TEKT5: variants seen among roughly 807,000 people sequenced by gnomAD.
TEKT5 encodes tektin 5, also known as tektin-5.
A neutral mutation model predicts 48.7 loss-of-function variants in TEKT5; 52 were observed. The ratio of observed to expected loss-of-function variants is 1.07; its 90% CI spans 0.86 to 1.35. The LOEUF (loss-of-function observed/expected upper bound fraction) is 1.35, where lower values mean the gene tolerates loss of function less well. Among genes scored for constraint, TEKT5 ranks in the 40% most tolerant of loss-of-function variants. The pLI is 0.00. For missense variants in TEKT5, 831 were observed against 641.6 expected, an observed-to-expected ratio of 1.30 and a Z score of -3.19; for synonymous variants, 318 against 267.6, an observed-to-expected ratio of 1.19 and a Z score of -1.84.
Position 10,681,673 on chromosome 16 carries a change from T to C in TEKT5, c.863+320A>G, listed in dbSNP as rs573530836. Among the ~76,000 whole-genome samples the C allele has an allele frequency of 3.3e-5, 5 of 151,922 alleles. No homozygotes were observed. In the South Asian group the frequency reaches 8.3e-4, roughly 25 times the overall value. ...CACTAAGCCAATGCCATGCCCTCTC[T>C]TCCTGAAATTTGGATCTTGAATGGT... On this transcript the variant is annotated intron_variant, in intron 4 of 6. Transcript: ENST00000283025.
chr16:10,688,967 G>C (rs867099645), intron 3 of TEKT5, among the ~76,000 whole-genome samples: 11 of 152,214 alleles, frequency 7.2e-5, no homozygotes, highest in South Asian at 2.1e-4. Flanking sequence ...AGAGAAACCA[G>C]CGATGCACGG....
At position 10,693,337 on chromosome 16, in the gene TEKT5, C is replaced by T. The variant is rs142554895; in HGVS notation, c.564+973G>A. Among the ~76,000 whole-genome samples the T allele has an allele frequency of 5.4e-3, 822 of 152,304 alleles. 9 individuals are homozygous for T. The highest frequency in any genetic ancestry group is 8.7e-3 in the Non-Finnish European group (594 of 68,024). On this transcript the variant is annotated intron_variant, in intron 1 of 6. Coordinates refer to ENST00000283025, the MANE Select transcript of TEKT5 (RefSeq NM_144674.2). Reference sequence around the variant, plus strand: ...CTCAAACTCCTGACCTCAGGTGATCCACCTGCCCTGGCCTCACAAAGTGCT... The same window carrying T: ...CTCAAACTCCTGACCTCAGGTGATCTACCTGCCCTGGCCTCACAAAGTGCT...
chr16:10,647,835 T>A (rs1375512951), intron 5 of TEKT5, among the ~76,000 whole-genome samples: 3 of 152,254 alleles, frequency 2.0e-5, no homozygotes, highest in Non-Finnish European at 2.9e-5. Flanking sequence ...GCAACAAATG[T>A]TCGTTGAGCA....
Position 10,694,848 on chromosome 16 carries a change from G to T in TEKT5, c.26C>A (p.Thr9Asn). 13 of 1,582,882 alleles carry T rather than the reference G, an allele frequency of 8.2e-6. No individual in the cohort carries two copies. The highest frequency in any genetic ancestry group is 1.1e-5 in the Non-Finnish European group (13 of 1,166,368). The change falls in exon 1 of 7, where the codon ACC becomes AAC. Residue 9 changes from threonine to asparagine, a missense_variant. Transcript: ENST00000283025. ...TTTCTTGGGACCACAGTAACTGGCG[G>T]TCTGAGTAGTCCCAAGAAACTCCAT... MEFLGTTQTASYCGPKKCC... is the reference protein window; with the variant it reads MEFLGTTQNASYCGPKKCC...
intron 5 of TEKT5, among the ~76,000 whole-genome samples, chr16:10,639,324 C>A (rs1171757660): frequency 6.6e-6 from 1 of 150,690 alleles, no homozygotes; most frequent in Non-Finnish European, 1.5e-5. Context: ...AAACAAAAAA[C>A]AAAAAACCCA....
chr16:10,678,955 C>G (rs113047209), intron 4 of TEKT5, among the ~76,000 whole-genome samples: 4,388 of 152,234 alleles, frequency 0.029, 201 homozygotes, highest in African/African-American at 0.099. Context: ...GCTGGAGAGG[C>G]AGGAAGGCAC....
chr16:10,685,923 G>C (rs1318940826), intron 3 of TEKT5, among the ~76,000 whole-genome samples: 1 of 152,120 alleles, frequency 6.6e-6, no homozygotes, highest in Non-Finnish European at 1.5e-5. Flanking sequence ...TTTCTCCTCT[G>C]AGGTCCAGCT....
chr16:10,680,150 C>G (rs969150520), intron 4 of TEKT5, among the ~76,000 whole-genome samples: 2 of 152,198 alleles, frequency 1.3e-5, no homozygotes, highest in African/African-American at 4.8e-5. Context: ...GGGCCCAGCC[C>G]CCAAAGTCCT....
intron 5 of TEKT5, among the ~76,000 whole-genome samples, chr16:10,654,812 C>T (rs1898229540): frequency 1.3e-5 from 2 of 152,022 alleles, no homozygotes; most frequent in African/African-American, 2.4e-5. Context: ...AACAAATCTC[C>T]TCTCAGATAC....
chr16:10,676,320 G>T, intron 4 of TEKT5, 139 bp from the exon 5 acceptor site: 1 of 817,464 alleles, frequency 1.2e-6, no homozygotes, highest in Non-Finnish European at 1.9e-6. Flanking sequence ...TGTTTAAGCA[G>T]CATCCCTGGC....
At chr16:10,653,660 C>T (rs1222817656) in intron 5 of TEKT5, among the ~76,000 whole-genome samples, 1 of 152,198 alleles carries the variant, frequency 6.6e-6, no homozygotes, top group Non-Finnish European at 1.5e-5. Flanking sequence ...CGCTTGTAAT[C>T]CAAACACTTT....
intron 3 of TEKT5, among the ~76,000 whole-genome samples, chr16:10,686,551 G>A (rs1276633426): frequency 6.6e-6 from 1 of 152,054 alleles, no homozygotes; most frequent in Non-Finnish European, 1.5e-5. Flanking sequence ...CATGACATTG[G>A]TCTGGACAAC....
At chr16:10,644,389 T>C (rs1447650137) in intron 5 of TEKT5, among the ~76,000 whole-genome samples, 1 of 152,142 alleles carries the variant, frequency 6.6e-6, no homozygotes, top group South Asian at 2.1e-4. Flanking sequence ...CGTTCGCAGA[T>C]CCCCACATCG....
chr16:10,689,990 C>A lies in TEKT5; in HGVS notation c.600G>T (p.Arg200Ser). 6.2e-7 allele frequency: 1 copy of A among 1,614,114 alleles called. No individual in the cohort carries two copies. The highest frequency in any genetic ancestry group is 2.2e-5 in the East Asian group (1 of 44,890). ...TGTCATGGACCAAATCAATCCCAATCCTCTTCTCTCGATGGTACAGACACT... is the reference window on the plus strand; with the variant it reads ...TGTCATGGACCAAATCAATCCCAATACTCTTCTCTCGATGGTACAGACACT... ...ALECLYHREK[R>S]IGIDLVHDNV... Residue 200 changes from arginine to serine, a missense_variant, in exon 2 of 7, where the codon AGG becomes AGT. Physicochemically the swap from Arg to Ser is moderately radical, Grantham distance 110 (BLOSUM62 -1). Coordinates refer to ENST00000283025, the MANE Select transcript of TEKT5 (RefSeq NM_144674.2).
intron 5 of TEKT5, among the ~76,000 whole-genome samples, chr16:10,667,455 C>T (rs962960126): frequency 6.6e-6 from 1 of 152,184 alleles, no homozygotes; most frequent in Non-Finnish European, 1.5e-5. Flanking sequence ...TGAGCAGTAA[C>T]CAATCTGGCT....
Position 10,669,066 on chromosome 16 carries a change from T to C in TEKT5, c.1086+6893A>G, listed in dbSNP as rs181987959. The stretch of plus-strand genomic sequence containing the variant: ...TTTTTTATGTGAAATCACCATTTTT[T>C]ACCAAATATTTTTTGAACTCTGTGA... On this transcript the variant is annotated intron_variant, in intron 5 of 6. Coordinates refer to ENST00000283025, the MANE Select transcript of TEKT5 (RefSeq NM_144674.2). Among the ~76,000 whole-genome samples, 1,017 of 152,326 alleles carry C rather than the reference T, an allele frequency of 6.7e-3. 13 individuals are homozygous for C. Among genetic ancestry groups the C allele is most frequent in the African/African-American group, 0.023 (968 of 41,568 alleles).
At chr16:10,636,037 TC>T in intron 5 of TEKT5, 119 bp from the exon 6 acceptor site, 1 of 1,457,120 alleles carries the variant, frequency 6.9e-7, no homozygotes, top group Non-Finnish European at 9.2e-7. Flanking sequence ...AGATACTCCT[TC>T]CCCGGCCTTG....
intron 6 of TEKT5, among the ~76,000 whole-genome samples, chr16:10,632,962 T>C (rs1299857650): frequency 6.6e-6 from 1 of 151,878 alleles, no homozygotes; most frequent in Admixed American, 6.6e-5. Context: ...TTTCTGTCTG[T>C]CCTCCTCAGT....
chr16:10,674,905 C>T (rs887839173), intron 5 of TEKT5, among the ~76,000 whole-genome samples: 4 of 151,790 alleles, frequency 2.6e-5, no homozygotes, highest in Admixed American at 2.6e-4. Context: ...TCACTGCAAC[C>T]TCTGCCTCCC....
Sources: allele counts gnomAD v4.1 joint callset (sites outside exome capture counted in the v4.1 genomes callset), GRCh38; gene constraint gnomAD v4.1.1; transcripts MANE v1.5; gene names NCBI Gene and HGNC (gene_info 2026-07-23, HGNC 2026-07-21).